LOC128092252: variants seen among roughly 807,000 people sequenced by gnomAD.
At chr15:50,650,678 C>T in the LOC128092252 span, among the ~76,000 whole-genome samples, 1 of 151,302 alleles carries the variant, frequency 6.6e-6, no homozygotes, top group Non-Finnish European at 1.5e-5. Context: ...ATGGGCAACA[C>T]AGCAAGACTG....
the LOC128092252 span, among the ~76,000 whole-genome samples, chr15:50,660,840 AG>A: frequency 1.3e-5 from 2 of 152,238 alleles, no homozygotes; most frequent in Non-Finnish European, 2.9e-5. Context: ...AATATAAAAA[AG>A]GTTTTATCCA....
the LOC128092252 span, among the ~76,000 whole-genome samples, chr15:50,659,275 G>C: frequency 6.6e-6 from 1 of 152,060 alleles, no homozygotes; most frequent in East Asian, 1.9e-4. Flanking sequence ...TATTTTAAAG[G>C]GGGAAGGGGG....
chr15:50,670,871 C>T, the LOC128092252 span, among the ~76,000 whole-genome samples: 61 of 148,444 alleles, frequency 4.1e-4, no homozygotes, highest in African/African-American at 1.5e-3. Flanking sequence ...TGTGCCAAAA[C>T]GTGTCAAAAC....
At chr15:50,650,389 G>A in the LOC128092252 span, among the ~76,000 whole-genome samples, 1 of 151,806 alleles carries the variant, frequency 6.6e-6, no homozygotes, top group Non-Finnish European at 1.5e-5. Flanking sequence ...CATTAAATTA[G>A]AAGGACTAAA....
the LOC128092252 span, among the ~76,000 whole-genome samples, chr15:50,671,942 T>G: frequency 2.6e-5 from 4 of 152,112 alleles, no homozygotes; most frequent in Non-Finnish European, 5.9e-5. Flanking sequence ...CATATACAAC[T>G]ATGTACAGTA....
chr15:50,655,857 G>C, the LOC128092252 span, among the ~76,000 whole-genome samples: 2 of 152,106 alleles, frequency 1.3e-5, no homozygotes, highest in Non-Finnish European at 2.9e-5. Context: ...AGGCATGGTG[G>C]TGTGTGCCTG....
At chr15:50,677,858 A>G in the LOC128092252 span, among the ~76,000 whole-genome samples, 1 of 152,034 alleles carries the variant, frequency 6.6e-6, no homozygotes, top group Non-Finnish European at 1.5e-5. Context: ...AATGTGACCC[A>G]TATTCAAAAG....
the LOC128092252 span, among the ~76,000 whole-genome samples, chr15:50,661,191 G>C: frequency 6.6e-6 from 1 of 151,918 alleles, no homozygotes; most frequent in Non-Finnish European, 1.5e-5. Context: ...TGGCCAGGCT[G>C]GTCTCGAACT....
the LOC128092252 span, among the ~76,000 whole-genome samples, chr15:50,684,036 G>A: frequency 1.3e-5 from 2 of 151,964 alleles, no homozygotes; most frequent in Non-Finnish European, 2.9e-5. Context: ...ATTTTTAGTA[G>A]AGACGGGGTT....
chr15:50,652,741 C>A, the LOC128092252 span, among the ~76,000 whole-genome samples: 11 of 151,962 alleles, frequency 7.2e-5, no homozygotes, highest in African/African-American at 2.7e-4. Context: ...TAAAACCAGC[C>A]CGTAATTCCA....
the LOC128092252 span, among the ~76,000 whole-genome samples, chr15:50,681,195 G>C: frequency 6.6e-6 from 1 of 151,946 alleles, no homozygotes; most frequent in African/African-American, 2.4e-5. Context: ...AGGTTGCAGT[G>C]AGCCAAGATC....
the LOC128092252 span, chr15:50,686,712 T>G: frequency 5.0e-6 from 4 of 796,060 alleles, no homozygotes; most frequent in South Asian, 5.8e-5. Context: ...AAGCCGAGTC[T>G]TTCATAATTG....
At chr15:50,669,706 T>C in the LOC128092252 span, among the ~76,000 whole-genome samples, 1 of 152,128 alleles carries the variant, frequency 6.6e-6, no homozygotes, top group South Asian at 2.1e-4. Context: ...CATCAGTTGT[T>C]TGAGTTTTTT....
At chr15:50,655,136 A>T in the LOC128092252 span, among the ~76,000 whole-genome samples, 1 of 27,706 alleles carries the variant, frequency 3.6e-5, no homozygotes, top group South Asian at 1.2e-3. Context: ...AAAGTTAATT[A>T]AAAAAAAAAA....
the LOC128092252 span, among the ~76,000 whole-genome samples, chr15:50,670,273 G>A: frequency 6.6e-6 from 1 of 152,110 alleles, no homozygotes; most frequent in Non-Finnish European, 1.5e-5. Context: ...AAACCAGAGT[G>A]ACTCCATCTT....
the LOC128092252 span, among the ~76,000 whole-genome samples, chr15:50,660,834 T>A: frequency 2.6e-5 from 4 of 151,938 alleles, no homozygotes; most frequent in African/African-American, 9.7e-5. Context: ...ATCTTAAATA[T>A]AAAAAAGGTT....
the LOC128092252 span, among the ~76,000 whole-genome samples, chr15:50,680,995 G>A: frequency 6.6e-6 from 1 of 152,116 alleles, no homozygotes; most frequent in Non-Finnish European, 1.5e-5. Context: ...GCTCATGCCT[G>A]TAATCCCAGC....
At chr15:50,666,956 T>C in the LOC128092252 span, among the ~76,000 whole-genome samples, 2 of 152,168 alleles carry the variant, frequency 1.3e-5, no homozygotes, top group African/African-American at 4.8e-5. Flanking sequence ...AAACTTGCTT[T>C]TACTTTACTG....
the LOC128092252 span, among the ~76,000 whole-genome samples, chr15:50,650,625 G>A: frequency 6.6e-6 from 1 of 152,022 alleles, no homozygotes; most frequent in Non-Finnish European, 1.5e-5. Flanking sequence ...AACCTGGGAG[G>A]CAGAGGTTGT....
Sources: allele counts gnomAD v4.1 joint callset (sites outside exome capture counted in the v4.1 genomes callset), GRCh38; gene constraint gnomAD v4.1.1; transcripts MANE v1.5.